The following ECT2 variants were observed in gnomAD, a reference collection of about 807,000 sequenced individuals.
ECT2 encodes epithelial cell transforming 2.
A neutral mutation model predicts 116.9 loss-of-function variants in ECT2; 61 were observed. The observed-to-expected ratio is 0.52, with a 90% confidence interval of 0.42 to 0.65. The LOEUF (loss-of-function observed/expected upper bound fraction) is 0.65, where lower values mean the gene tolerates loss of function less well. ECT2 is among the 30% of genes least tolerant of loss of function. The pLI is 0.00. For missense variants in ECT2, 937 were observed against 1,078.7 expected, an observed-to-expected ratio of 0.87 and a Z score of 1.84; for synonymous variants, 358 against 346.4, an observed-to-expected ratio of 1.03 and a Z score of -0.37.
chr3:172,775,515 A>G (rs966207373), intron 14 of ECT2, among the ~76,000 whole-genome samples: 1 of 152,204 alleles, frequency 6.6e-6, no homozygotes, highest in African/African-American at 2.4e-5. Context: ...AGTTAATCCT[A>G]TTCCAATTAG....
intron 22 of ECT2, 58 bp downstream of exon 22, chr3:172,807,982 A>G (rs1728082083): frequency 2.7e-6 from 4 of 1,480,064 alleles, no homozygotes; most frequent in Non-Finnish European, 3.7e-6. Context: ...GTGCATTCAG[A>G]CTAAACCTGT....
chr3:172,759,218 AAAC>A (rs1166999462), intron 6 of ECT2, 149 bp downstream of exon 6: 5 of 568,416 alleles, frequency 8.8e-6, no homozygotes, highest in Non-Finnish European at 1.5e-5. Flanking sequence ...TTTTCTGAAG[AAAC>A]AAATCCTGAA....
chr3:172,773,066 ATATCTGC>A (rs1720942491), intron 13 of ECT2, among the ~76,000 whole-genome samples: 1 of 152,158 alleles, frequency 6.6e-6, no homozygotes, highest in Non-Finnish European at 1.5e-5. Context: ...CAGGTTTTCT[ATATCTGC>A]CAGAAGCCCT....
At chr3:172,784,309 T>C (rs554549485) in intron 16 of ECT2, among the ~76,000 whole-genome samples, 8 of 152,288 alleles carry the variant, frequency 5.3e-5, no homozygotes, top group African/African-American at 1.7e-4. Context: ...AAGTTTTATG[T>C]ATTTTAGTTC....
chr3:172,805,848 T>C lies in ECT2; in HGVS notation c.2224T>C (p.Leu742=), dbSNP rs1727583206. ...LMPLSQIKKV[L]DIRETEDCHN... ...GCCTCTTTCTCAGATTAAGAAGGTATTGGACATAAGAGAGACAGAAGGTAT... is the reference window on the plus strand; with the variant it reads ...GCCTCTTTCTCAGATTAAGAAGGTACTGGACATAAGAGAGACAGAAGGTAT... Residue 742 remains leucine, a synonymous_variant, in exon 21 of 25, where the codon TTG becomes CTG. Coordinates refer to ENST00000392692, the MANE Select transcript of ECT2 (RefSeq NM_001258315.2). The C allele has an allele frequency of 6.2e-7, 1 of 1,613,516 alleles. No individual in the cohort carries two copies. Among genetic ancestry groups the C allele is most frequent in the African/African-American group, 1.3e-5 (1 of 74,890 alleles).
chr3:172,822,525 A>C (rs979786178), downstream of ECT2, among the ~76,000 whole-genome samples: 11 of 151,980 alleles, frequency 7.2e-5, no homozygotes, highest in African/African-American at 2.7e-4. Flanking sequence ...AAAATGCTGG[A>C]ACGTTGATCC....
Position 172,782,189 on chromosome 3 carries a change from T to C in ECT2, c.1575T>C (p.Asn525=), listed in dbSNP as rs762365309. The C allele has an allele frequency of 1.3e-6, 2 of 1,583,566 alleles. No individual in the cohort carries two copies. The highest frequency in any genetic ancestry group is 1.2e-5 in the South Asian group (1 of 85,848). ...IKDDLEDLIV[N]WDESKSIGDI... Reference sequence around the variant, plus strand: ...ATGATCTTGAAGACCTTATAGTTAATTGGGATGAGAGCAAAAGCATTGGTG... The same window carrying C: ...ATGATCTTGAAGACCTTATAGTTAACTGGGATGAGAGCAAAAGCATTGGTG... The change falls in exon 15 of 25, where the codon AAT becomes AAC. Residue 525 remains asparagine (N), a synonymous_variant. Transcript: ENST00000392692.
intron 24 of ECT2, chr3:172,818,690 A>C: frequency 7.8e-7 from 1 of 1,289,138 alleles, no homozygotes; most frequent in Non-Finnish European, 1.0e-6. Context: ...AGTTTTTCAG[A>C]GATACTAGAA....
Position 172,754,653 on chromosome 3 carries a change from T to C in ECT2, c.123T>C (p.Tyr41=), listed in dbSNP as rs1716597787. ...KENLLIGSTS[Y]VEEEMPQIET... is the part of the protein sequence containing the mutation. ...ACTTACTTATTGGATCTACTTCATA[T>C]GTAGAAGGTAAACCTGTTACCTGCT... is the stretch of plus-strand genomic sequence containing the variant. Residue 41 remains tyrosine (Y), a synonymous_variant, in exon 2 of 25, where the codon TAT becomes TAC. Transcript: ENST00000392692. 6.2e-7 allele frequency: 1 copy of C among 1,602,536 alleles called. No homozygotes were observed. Among genetic ancestry groups the C allele is most frequent in the African/African-American group, 1.3e-5 (1 of 74,402 alleles).
intron 22 of ECT2, among the ~76,000 whole-genome samples, chr3:172,813,823 A>C (rs1729205136): frequency 6.6e-6 from 1 of 152,052 alleles, no homozygotes; most frequent in South Asian, 2.1e-4. Flanking sequence ...CTTCATTAAG[A>C]CTAAATCCTT....
chr3:172,762,715 A>C lies in ECT2; in HGVS notation c.914A>C (p.Asp305Ala), dbSNP rs753237241. The change falls in exon 10 of 25, where the codon GAT (aspartate) becomes GCT (alanine). Residue 305 changes from aspartate to alanine, a missense_variant. By Grantham distance (126) the Asp-to-Ala change is moderately radical (BLOSUM62 -2). Coordinates refer to ENST00000392692, the MANE Select transcript of ECT2 (RefSeq NM_001258315.2). Reference protein sequence around the residue: ...MQGGKYLPLGDERCTHLVVEE... With the variant: ...MQGGKYLPLGAERCTHLVVEE... ...GGAGGTAAATATTTACCGCTTGGAGATGAAAGATGCACTCACCTTGTAGTT... is the reference window on the plus strand; with the variant it reads ...GGAGGTAAATATTTACCGCTTGGAGCTGAAAGATGCACTCACCTTGTAGTT... 1.1e-5 allele frequency: 18 copies of C among 1,611,670 alleles called. No individual in the cohort carries two copies.
intron 18 of ECT2, among the ~76,000 whole-genome samples, chr3:172,794,881 AT>A (rs930875419): frequency 1.3e-5 from 2 of 150,568 alleles, no homozygotes; most frequent in Non-Finnish European, 1.5e-5. Context: ...CACCTGGCTA[AT>A]TTTTTTTTAA....
intron 22 of ECT2, among the ~76,000 whole-genome samples, chr3:172,813,318 T>G (rs1471595249): frequency 6.6e-6 from 1 of 151,912 alleles, no homozygotes; most frequent in African/African-American, 2.4e-5. Context: ...CAGATAAAGA[T>G]AGCATTATAT....
chr3:172,807,725 T>C, intron 21 of ECT2, 45 bp from the exon 22 acceptor site: 1 of 1,558,904 alleles, frequency 6.4e-7, no homozygotes, highest in Middle Eastern at 1.7e-4. Flanking sequence ...TCTGTCATTT[T>C]CCAAGGAGTG....
At chr3:172,806,762 T>G (rs1484606687) in intron 21 of ECT2, among the ~76,000 whole-genome samples, 1 of 148,940 alleles carries the variant, frequency 6.7e-6, no homozygotes, top group African/African-American at 2.5e-5. Flanking sequence ...TGCCTCAGCC[T>G]CCTGAGTAGC....
At chr3:172,783,949 T>G (rs1723162794) in intron 16 of ECT2, 40 bp downstream of exon 16, 1 of 1,362,302 alleles carries the variant, frequency 7.3e-7, no homozygotes, top group African/African-American at 1.5e-5. Context: ...TGAGAATTAT[T>G]TCTGAAGTAA....
At chr3:172,756,866 A>G (rs1717088779) in intron 4 of ECT2, 117 bp from the exon 5 acceptor site, 1 of 866,592 alleles carries the variant, frequency 1.2e-6, no homozygotes. Flanking sequence ...CTTATTTTCT[A>G]CAAATATAAA....
At chr3:172,758,296 A>G (rs1351534316) in intron 5 of ECT2, among the ~76,000 whole-genome samples, 1 of 152,170 alleles carries the variant, frequency 6.6e-6, no homozygotes, top group Non-Finnish European at 1.5e-5. Flanking sequence ...CTATTGTTAC[A>G]CATGTTAGTA....
At chr3:172,803,521 C>T (rs988246363) in intron 20 of ECT2, among the ~76,000 whole-genome samples, 1 of 152,154 alleles carries the variant, frequency 6.6e-6, no homozygotes, top group African/African-American at 2.4e-5. Context: ...TTGTATTACC[C>T]CTGCAAGCAA....
Sources: allele counts gnomAD v4.1 joint callset (sites outside exome capture counted in the v4.1 genomes callset), GRCh38; gene constraint gnomAD v4.1.1; transcripts MANE v1.5; gene names NCBI Gene and HGNC (gene_info 2026-07-23, HGNC 2026-07-21).